The following ERBB4 variants were observed in gnomAD, a reference collection of about 807,000 sequenced individuals.
ERBB4 encodes receptor tyrosine-protein kinase erbB-4.
A neutral mutation model predicts 158.0 loss-of-function variants in ERBB4; 42 were observed. That is an observed-to-expected ratio of 0.27 (90% CI 0.21 to 0.34). The LOEUF is 0.34. Among genes scored for constraint, ERBB4 ranks in the 10% least tolerant of loss-of-function variants. The probability of loss-of-function intolerance (pLI) is 1.00; values close to 1 mark genes in which losing one functional copy is unlikely to be tolerated. For missense variants in ERBB4, 1,333 were observed against 1,624.1 expected, an observed-to-expected ratio of 0.82 and a Z score of 3.08; for synonymous variants, 583 against 558.7, an observed-to-expected ratio of 1.04 and a Z score of -0.61.
chr2:211,676,100 G>C (rs2072060991), intron 13 of ERBB4, among the ~76,000 whole-genome samples: 2 of 152,026 alleles, frequency 1.3e-5, no homozygotes, highest in African/African-American at 4.8e-5. Flanking sequence ...TTTCAACTAG[G>C]AAGCAATGAA....
At chr2:212,182,090 G>T (rs2081887168) in intron 1 of ERBB4, among the ~76,000 whole-genome samples, 1 of 151,880 alleles carries the variant, frequency 6.6e-6, no homozygotes, top group Admixed American at 6.6e-5. Context: ...TAAATGAATA[G>T]ATGTATCATA....
At chr2:211,887,995 C>T (rs1445859118) in intron 3 of ERBB4, among the ~76,000 whole-genome samples, 2 of 152,156 alleles carry the variant, frequency 1.3e-5, no homozygotes, top group African/African-American at 2.4e-5. Context: ...TTTTCATAGA[C>T]CATTATAACC....
At chr2:212,514,378 A>G (rs1382533874) in intron 1 of ERBB4, among the ~76,000 whole-genome samples, 1 of 152,244 alleles carries the variant, frequency 6.6e-6, no homozygotes, top group Non-Finnish European at 1.5e-5. Context: ...AAATGCCTAT[A>G]AAAGTTACAC....
At chr2:211,866,004 G>A (rs1218933450) in intron 3 of ERBB4, among the ~76,000 whole-genome samples, 1 of 152,130 alleles carries the variant, frequency 6.6e-6, no homozygotes, top group African/African-American at 2.4e-5. Context: ...ACTATCAGGA[G>A]AATATACACT....
chr2:212,114,674 T>C (rs6719517), intron 2 of ERBB4, among the ~76,000 whole-genome samples: 77,413 of 152,006 alleles, frequency 0.51, 20,646 homozygotes, highest in Non-Finnish European at 0.59. Flanking sequence ...TCATTGCTTC[T>C]GCGAAATGAT....
At chr2:211,475,475 T>C (rs746545981) in intron 20 of ERBB4, among the ~76,000 whole-genome samples, 23 of 152,176 alleles carry the variant, frequency 1.5e-4, no homozygotes, top group South Asian at 1.2e-3. Context: ...TATTTCCTAG[T>C]ACATGTAGGA....
intron 20 of ERBB4, among the ~76,000 whole-genome samples, chr2:211,450,095 G>T (rs985356451): frequency 6.6e-6 from 1 of 152,246 alleles, no homozygotes; most frequent in Middle Eastern, 3.4e-3. Context: ...TAATAGAGTT[G>T]GAATTTTAAC....
intron 3 of ERBB4, among the ~76,000 whole-genome samples, chr2:211,814,067 A>G (rs1575184773): frequency 6.6e-6 from 1 of 152,302 alleles, no homozygotes; most frequent in Non-Finnish European, 1.5e-5. Flanking sequence ...AAGTTTTAAA[A>G]TATGGGAATA....
intron 1 of ERBB4, among the ~76,000 whole-genome samples, chr2:212,183,320 C>G (rs1457676942): frequency 6.6e-6 from 1 of 151,836 alleles, no homozygotes; most frequent in Non-Finnish European, 1.5e-5. Context: ...TATGCTAATG[C>G]CAATGTTGAA....
At chr2:212,150,703 T>G (rs2080838432) in intron 1 of ERBB4, among the ~76,000 whole-genome samples, 1 of 152,204 alleles carries the variant, frequency 6.6e-6, no homozygotes, top group Non-Finnish European at 1.5e-5. Context: ...TCATTCTTCT[T>G]GTGCTTGGTT....
At chr2:212,537,676 G>A (rs1021668182) in intron 1 of ERBB4, among the ~76,000 whole-genome samples, 1 of 151,976 alleles carries the variant, frequency 6.6e-6, no homozygotes, top group African/African-American at 2.4e-5. Flanking sequence ...TTGAACTACA[G>A]GAAGAACTCT....
chr2:212,182,761 G>A (rs1487934492), intron 1 of ERBB4, among the ~76,000 whole-genome samples: 1 of 151,534 alleles, frequency 6.6e-6, no homozygotes, highest in African/African-American at 2.4e-5. Context: ...GACTTGCTTT[G>A]TTTGTTTTGT....
intron 3 of ERBB4, among the ~76,000 whole-genome samples, chr2:211,825,107 AT>A (rs1202894285): frequency 4.6e-5 from 7 of 151,946 alleles, no homozygotes; most frequent in African/African-American, 1.7e-4. Flanking sequence ...AAATTTTTCC[AT>A]AAGAGAAGAA....
chr2:211,575,895 A>C (rs73076972), intron 19 of ERBB4, among the ~76,000 whole-genome samples: 11,938 of 152,170 alleles, frequency 0.078, 1,189 homozygotes, highest in African/African-American at 0.23. Context: ...TTTGTCTGTC[A>C]TTCACATATT....
At chr2:212,317,272 T>C (rs73068266) in intron 1 of ERBB4, among the ~76,000 whole-genome samples, 4,864 of 151,568 alleles carry the variant, frequency 0.032, 271 homozygotes, top group African/African-American at 0.11. Flanking sequence ...TTCATTCAGG[T>C]AGGAGAGTAA....
chr2:211,633,897 G>A (rs887317690), intron 16 of ERBB4, among the ~76,000 whole-genome samples: 6 of 152,246 alleles, frequency 3.9e-5, no homozygotes, highest in South Asian at 4.1e-4. Context: ...AGTGGCTCAC[G>A]CCTGTAATCC....
chr2:211,529,248 A>C (rs2066432067), intron 20 of ERBB4, among the ~76,000 whole-genome samples: 1 of 152,056 alleles, frequency 6.6e-6, no homozygotes, highest in Non-Finnish European at 1.5e-5. Context: ...AAAATTGGAA[A>C]ACCTAGGAGA....
intron 2 of ERBB4, among the ~76,000 whole-genome samples, chr2:212,029,391 C>G (rs1174052277): frequency 1.3e-5 from 2 of 152,102 alleles, no homozygotes; most frequent in Non-Finnish European, 2.9e-5. Flanking sequence ...TGCCCTGCAT[C>G]AGTAGGATCA....
intron 3 of ERBB4, among the ~76,000 whole-genome samples, chr2:211,856,409 G>A (rs1453157949): frequency 1.5e-5 from 1 of 67,316 alleles, no homozygotes; most frequent in East Asian, 5.2e-4. Flanking sequence ...TATCTGAGAT[G>A]GAGTCTCGCT....
Sources: gnomAD v4.1 joint callset for allele counts (sites outside exome capture counted in the v4.1 genomes callset) on GRCh38, gnomAD v4.1.1 for gene constraint, MANE v1.5 for transcripts, NCBI Gene and HGNC (gene_info 2026-07-23, HGNC 2026-07-21) for gene names.